SIN3A: variants seen among roughly 807,000 people sequenced by gnomAD.
SIN3A encodes paired amphipathic helix protein Sin3a.
A neutral mutation model predicts 146.1 loss-of-function variants in SIN3A; 14 were observed. That is an observed-to-expected ratio of 0.10 (90% confidence interval 0.06 to 0.15). The LOEUF is 0.15. SIN3A is among the 10% of genes least tolerant of loss of function. SIN3A has a pLI of 1.00. For synonymous variants in SIN3A, 572 were observed against 572.0 expected (o/e 1.00, Z 0.00); for missense variants, 1,028 against 1,576.0 (o/e 0.65, Z 5.89).
intron 3 of SIN3A, among the ~76,000 whole-genome samples, chr15:75,418,060 T>G (rs553184969): frequency 6.6e-6 from 1 of 152,070 alleles, no homozygotes; most frequent in African/African-American, 2.4e-5. Context: ...AGATGAAGTC[T>G]TGCTCTTGTC....
chr15:75,424,562 C>T (rs1200457624), intron 2 of SIN3A, among the ~76,000 whole-genome samples: 2 of 152,146 alleles, frequency 1.3e-5, no homozygotes, highest in African/African-American at 4.8e-5. Flanking sequence ...CAGCCTTGAC[C>T]TCCCCAGGCT....
At chr15:75,435,305 A>G (rs922953324) in intron 1 of SIN3A, among the ~76,000 whole-genome samples, 1 of 152,190 alleles carries the variant, frequency 6.6e-6, no homozygotes, top group African/African-American at 2.4e-5. Context: ...TCAGCTAAAT[A>G]AATGTGATCA....
intron 12 of SIN3A, among the ~76,000 whole-genome samples, chr15:75,399,033 TAAAAAA>T (rs540802077): frequency 7.6e-6 from 1 of 131,072 alleles, no homozygotes; most frequent in African/African-American, 2.8e-5. Context: ...ATTTAAAGTT[TAAAAAA>T]AAAAAAAAAA....
intron 9 of SIN3A, among the ~76,000 whole-genome samples, chr15:75,405,441 T>C (rs751433085): frequency 4.0e-5 from 6 of 150,490 alleles, no homozygotes; most frequent in African/African-American, 1.5e-4. Context: ...TCAAGTTCAA[T>C]TGTCTAATTA....
chr15:75,418,735 T>C (rs978309982), intron 3 of SIN3A, among the ~76,000 whole-genome samples: 5 of 151,902 alleles, frequency 3.3e-5, no homozygotes, highest in African/African-American at 1.2e-4. Context: ...CACTAATGGA[T>C]TGAGACAAAT....
intron 1 of SIN3A, among the ~76,000 whole-genome samples, chr15:75,450,985 T>C (rs934103248): frequency 1.4e-5 from 2 of 147,232 alleles, no homozygotes; most frequent in African/African-American, 5.1e-5. Flanking sequence ...GCCCCCTCCC[T>C]GCCGCGCCCT....
chr15:75,443,686 G>A (rs879887550), intron 1 of SIN3A: 1 of 152,262 alleles, frequency 6.6e-6, no homozygotes, highest in Admixed American at 6.5e-5. Context: ...CTGCACTCCA[G>A]CCTGGGTGAC....
chr15:75,439,561 G>A (rs961504126), intron 1 of SIN3A, among the ~76,000 whole-genome samples: 7 of 151,778 alleles, frequency 4.6e-5, no homozygotes, highest in Admixed American at 4.6e-4. Flanking sequence ...TAGCCAGGAT[G>A]GTCTCGATCT....
chr15:75,374,309 C>A lies in SIN3A; in HGVS notation c.3591+1356G>T, dbSNP rs12593870. 8.0e-3 allele frequency among the ~76,000 whole-genome samples: 1,218 copies of A among 152,290 alleles called. 34 individuals carry two copies. The East Asian group carries it at 0.1, about 13-fold the overall frequency. On this transcript the variant is annotated intron_variant, in intron 20 of 20. Coordinates refer to ENST00000394947, the MANE Select transcript of SIN3A (RefSeq NM_001145358.2). ...TCAGGTTCGAGACCAGCCTGGCCAA[C>A]ATGGTGAAATCCCATCTCTACTAAA...
At chr15:75,416,174 T>G (rs1474273530) in intron 3 of SIN3A, among the ~76,000 whole-genome samples, 1 of 152,240 alleles carries the variant, frequency 6.6e-6, no homozygotes, top group Non-Finnish European at 1.5e-5. Context: ...AGTGTTGTTA[T>G]CGCACACAGA....
At chr15:75,449,028 A>G (rs1478201096) in intron 1 of SIN3A, among the ~76,000 whole-genome samples, 5 of 152,232 alleles carry the variant, frequency 3.3e-5, no homozygotes, top group Non-Finnish European at 5.9e-5. Context: ...TGTTCCTAAT[A>G]CAGCAAAACC....
chr15:75,438,883 G>T (rs182876480), intron 1 of SIN3A, among the ~76,000 whole-genome samples: 2 of 152,260 alleles, frequency 1.3e-5, no homozygotes, highest in Non-Finnish European at 2.9e-5. Context: ...GCAATTTTGA[G>T]TAGTCTAATT....
chr15:75,375,285 GAC>G (rs148943846), intron 20 of SIN3A, among the ~76,000 whole-genome samples: 1 of 151,990 alleles, frequency 6.6e-6, no homozygotes, highest in African/African-American at 2.4e-5. Context: ...TCTGGAGGCA[GAC>G]ACACACACAC....
At chr15:75,415,969 T>C in intron 3 of SIN3A, 1 of 337,806 alleles carries the variant, frequency 3.0e-6, no homozygotes, top group Non-Finnish European at 5.7e-6. Context: ...GAAATGGAGA[T>C]GCCAAAACAG....
Position 75,451,610 on chromosome 15 carries a change from GA to G in SIN3A, c.-222del, listed in dbSNP as rs1343572947. ...GGAAGGAGGGAGGGAGGGAGGGAGG[GA>G]AACTCCGAGGGGGGAAGGGGAGGGG... On this transcript the variant is annotated 5_prime_UTR_variant, in exon 1 of 21. Coordinates refer to ENST00000394947, the MANE Select transcript of SIN3A (RefSeq NM_001145358.2). The G allele has an allele frequency of 7.9e-6, 1 of 126,730 alleles. No homozygotes were observed. The highest frequency in any genetic ancestry group is 1.7e-5 in the Non-Finnish European group (1 of 59,194). The allele number at this position is 126,730 out of a possible 1,614,324, so 7.9% of individuals were successfully genotyped here.
rs181034451 is a variant in SIN3A, at chr15:75,429,252, C to A, written c.189+935G>T. Among the ~76,000 whole-genome samples the A allele has an allele frequency of 4.6e-5, 7 of 152,146 alleles. 1 individual carries two copies. Among genetic ancestry groups the A allele is most frequent in the Admixed American group, 3.3e-4 (5 of 15,268 alleles). On this transcript the variant is annotated intron_variant, in intron 2 of 20. Coordinates refer to ENST00000394947, the MANE Select transcript of SIN3A (RefSeq NM_001145358.2). ...CCTGAGCAACACAGCAACACCTCAT[C>A]TCTACAAAAATCATAAAAATTAGCC...
intron 17 of SIN3A, among the ~76,000 whole-genome samples, chr15:75,382,477 G>A (rs992075478): frequency 3.3e-5 from 5 of 152,168 alleles, no homozygotes; most frequent in Admixed American, 1.3e-4. Context: ...TGGGTTGGAC[G>A]TCTAGGATGT....
rs754243706 is a variant in SIN3A at position 75,375,837 on chromosome 15, C to T, written c.3419G>A (p.Arg1140Gln). The T allele has an allele frequency of 4.3e-6, 7 of 1,614,144 alleles. No homozygotes were observed. The highest frequency in any genetic ancestry group is 5.9e-6 in the Non-Finnish European group (7 of 1,180,038). Reference protein sequence around the residue: ...LRRIRKCQRGREQQEKEGKEG... With the variant: ...LRRIRKCQRGQEQQEKEGKEG... Reference sequence around the variant, plus strand: ...CTTCCCTTCCTTTTCCTGCTGCTCTCGACCACGTTGACACTTCCGGATCCG... The same window carrying T: ...CTTCCCTTCCTTTTCCTGCTGCTCTTGACCACGTTGACACTTCCGGATCCG... The change falls in exon 20 of 21, where the codon CGA becomes CAA. Residue 1140 changes from arginine (R) to glutamine (Q), a missense_variant. By Grantham distance (43) the Arg-to-Gln change is conservative. Transcript: ENST00000394947.
intron 13 of SIN3A, among the ~76,000 whole-genome samples, chr15:75,395,179 T>C (rs1256875406): frequency 6.6e-6 from 1 of 152,214 alleles, no homozygotes; most frequent in East Asian, 1.9e-4. Flanking sequence ...CTTGTTTCTT[T>C]GCTATAGGAC....
Sources: gnomAD v4.1 joint callset for allele counts (sites outside exome capture counted in the v4.1 genomes callset) on GRCh38, gnomAD v4.1.1 for gene constraint, MANE v1.5 for transcripts, NCBI Gene and HGNC (gene_info 2026-07-23, HGNC 2026-07-21) for gene names.